Variants in ZNF507 observed in about 807,000 individuals in gnomAD.
The protein encoded by ZNF507 is zinc finger protein 507.
A neutral mutation model predicts 80.0 loss-of-function variants in ZNF507; 29 were observed. The ratio of observed to expected loss-of-function variants is 0.36; its 90% CI spans 0.27 to 0.49. The LOEUF is 0.49. ZNF507 is among the 20% of genes least tolerant of loss of function. The probability of loss-of-function intolerance (pLI) is 0.98; values close to 1 mark genes in which losing one functional copy is unlikely to be tolerated. For synonymous variants in ZNF507, 462 were observed against 422.5 expected (o/e 1.09, Z -1.15); for missense variants, 1,081 against 1,152.2 (o/e 0.94, Z 0.90).
intron 5 of ZNF507, among the ~76,000 whole-genome samples, chr19:32,380,000 C>T (rs1459424106): frequency 6.6e-6 from 1 of 152,124 alleles, no homozygotes; most frequent in Admixed American, 6.5e-5. Flanking sequence ...CCAAATTGCT[C>T]TTCAGAGTGC....
intron 1 of ZNF507, among the ~76,000 whole-genome samples, chr19:32,346,589 C>T (rs868302499): frequency 1.3e-5 from 2 of 152,236 alleles, no homozygotes; most frequent in Admixed American, 1.3e-4. Context: ...TCCTTTACCT[C>T]ACTAACTCGT....
intron 5 of ZNF507, chr19:32,380,688 C>T: frequency 7.1e-7 from 1 of 1,413,936 alleles, no homozygotes; most frequent in Non-Finnish European, 9.7e-7. Context: ...TGGAAAAGTG[C>T]ATTTGCAGTT....
At chr19:32,348,015 T>C (rs906041644) in intron 2 of ZNF507, among the ~76,000 whole-genome samples, 3 of 152,198 alleles carry the variant, frequency 2.0e-5, no homozygotes, top group Admixed American at 2.0e-4. Context: ...GGTAAATCTA[T>C]AAATAATGTG....
At chr19:32,351,900 T>C (rs1228526406) in intron 2 of ZNF507, among the ~76,000 whole-genome samples, 1 of 152,186 alleles carries the variant, frequency 6.6e-6, no homozygotes, top group Non-Finnish European at 1.5e-5. Context: ...AAGAGTATTC[T>C]AGACTTAGGC....
At chr19:32,351,419 C>CTCTG (rs1491462806) in intron 2 of ZNF507, among the ~76,000 whole-genome samples, 4 of 52,828 alleles carry the variant, frequency 7.6e-5, no homozygotes, top group African/African-American at 1.5e-4. Flanking sequence ...AGCTGGTCAG[C>CTCTG]TGTGTGTGTG....
At chr19:32,346,871 C>G (rs1370623773) in intron 1 of ZNF507, among the ~76,000 whole-genome samples, 1 of 152,178 alleles carries the variant, frequency 6.6e-6, no homozygotes, top group Non-Finnish European at 1.5e-5. Flanking sequence ...TGCAGAATCA[C>G]TCGTTAGATT....
At chr19:32,355,497 G>A (rs1332135311) in intron 3 of ZNF507, among the ~76,000 whole-genome samples, 2 of 152,100 alleles carry the variant, frequency 1.3e-5, no homozygotes. Context: ...TGTTTTATGG[G>A]CAGGGTAAAG....
rs564154405 is a variant in ZNF507, at chr19:32,386,081, A to G, written c.*2998A>G. 2 of 152,488 alleles carry G rather than the reference A, an allele frequency of 1.3e-5. No individual in the cohort carries two copies. Among genetic ancestry groups the G allele is most frequent in the Non-Finnish European group, 2.9e-5 (2 of 68,050 alleles). 9.4% of individuals were successfully genotyped at this position (152,488 alleles called of 1,614,324 possible). On this transcript the variant is annotated 3_prime_UTR_variant, in exon 7 of 7. Transcript: ENST00000355898. ...ATTTTCTCCCTTTCTCTAATCATCC[A>G]GAATATGGCGGGTGTCCCAGTGTTC...
At chr19:32,347,883 A>G (rs1473034744) in intron 2 of ZNF507, among the ~76,000 whole-genome samples, 1 of 151,952 alleles carries the variant, frequency 6.6e-6, no homozygotes, top group Non-Finnish European at 1.5e-5. Context: ...CAACTAAGAA[A>G]CTCTAGACTA....
In ZNF507 at chr19:32,382,718, G is replaced by C; in HGVS notation, c.2497G>C (p.Val833Leu). The C allele has an allele frequency of 6.2e-7, 1 of 1,611,264 alleles. No homozygotes were observed. The highest frequency in any genetic ancestry group is 1.1e-5 in the South Asian group (1 of 90,920). Residue 833 changes from valine (V) to leucine (L), a missense_variant and splice_region_variant, in exon 7 of 7, where the codon GTT (valine) becomes CTT (leucine). Val to Leu is a conservative substitution (Grantham distance 32). Transcript: ENST00000355898. ...TGCTGTGTTTGTTTTGTTTTTAAGA[G>C]TTCTGGGGAAATCCCCTGGAAAGAC... ...INDAISQSGR[V>L]LGKSPGKTQL...
In ZNF507 at chr19:32,381,608, AAAC is replaced by A. The variant is rs372959149; in HGVS notation, c.2361-835_2361-833del. Among the ~76,000 whole-genome samples, 22 of 152,016 alleles carry A rather than the reference AAAC, an allele frequency of 1.4e-4. No individual in the cohort carries two copies. In the East Asian group the frequency reaches 2.9e-3, roughly 20 times the overall value. On this transcript the variant is annotated intron_variant, in intron 5 of 6. Transcript: ENST00000355898. ...GGGAGACAGAGCAAGACTCTATCTC[AAAC>A]AACAACAACAACAACAACAACAAAA...
intron 4 of ZNF507, 57 bp downstream of exon 4, chr19:32,356,790 C>CATGA (rs1457659392): frequency 7.5e-7 from 1 of 1,336,778 alleles, no homozygotes; most frequent in East Asian, 2.3e-5. Context: ...ATAAAAGTGC[C>CATGA]CTTAGTTGTC....
chr19:32,384,980 ATT>A lies in ZNF507; in HGVS notation c.*1898_*1899del, dbSNP rs1967670116. ...GAACATTTAAAATGATTTCATTATT[ATT>A]ACCCATACTGTTGCCACTCATATTG... On this transcript the variant is annotated 3_prime_UTR_variant, in exon 7 of 7. Transcript: ENST00000355898. The A allele has an allele frequency of 6.6e-6, 1 of 152,136 alleles. No individual in the cohort carries two copies. The highest frequency in any genetic ancestry group is 1.5e-5 in the Non-Finnish European group (1 of 68,020). 9.4% of individuals were successfully genotyped at this position (152,136 alleles called of 1,614,324 possible). A position where few individuals can be genotyped will look rare whatever the true frequency, so the allele number is the denominator to read the frequency against.
In ZNF507 at chr19:32,359,001, T is replaced by A. The variant is rs543491551; in HGVS notation, c.2246-1503T>A. ...AACAGTTGCTTGAAGTAGCACAGGC[T>A]CTCATTCTGTGCTATATTAAGTTTT... On this transcript the variant is annotated intron_variant, in intron 4 of 6. Coordinates refer to ENST00000355898, the MANE Select transcript of ZNF507 (RefSeq NM_001136156.2). 3.3e-5 allele frequency: 5 copies of A among 152,360 alleles called. 1 individual carries two copies. The highest frequency in any genetic ancestry group is 1.2e-4 in the African/African-American group (5 of 41,592). The allele number at this position is 152,360 out of a possible 1,614,324, so 9.4% of individuals were successfully genotyped here.
At chr19:32,370,038 G>A (rs1254454209) in intron 5 of ZNF507, among the ~76,000 whole-genome samples, 1 of 152,184 alleles carries the variant, frequency 6.6e-6, no homozygotes, top group East Asian at 1.9e-4. Flanking sequence ...GGCCATCCAT[G>A]TTGTGGCAAA....
chr19:32,369,386 T>C (rs1967439748), intron 5 of ZNF507, among the ~76,000 whole-genome samples: 1 of 152,210 alleles, frequency 6.6e-6, no homozygotes, highest in Non-Finnish European at 1.5e-5. Context: ...GGCTCTGTCA[T>C]CAGGAGCATC....
chr19:32,381,215 G>C (rs1967618547), intron 5 of ZNF507, among the ~76,000 whole-genome samples: 2 of 152,186 alleles, frequency 1.3e-5, no homozygotes, highest in African/African-American at 4.8e-5. Context: ...TCAGGGGCAG[G>C]AAGGAAGGAT....
intron 4 of ZNF507, chr19:32,357,139 C>A (rs1242549292): frequency 6.4e-6 from 1 of 157,166 alleles, no homozygotes; most frequent in Non-Finnish European, 1.4e-5. Flanking sequence ...CTGGGGCTCC[C>A]CGCTGTGATC....
chr19:32,346,191 C>T (rs909445168), intron 1 of ZNF507, among the ~76,000 whole-genome samples: 1 of 152,166 alleles, frequency 6.6e-6, no homozygotes, highest in South Asian at 2.1e-4. Context: ...CACCTCAGTC[C>T]TTTAGCCAGT....
Sources: allele counts gnomAD v4.1 joint callset (sites outside exome capture counted in the v4.1 genomes callset), GRCh38; gene constraint gnomAD v4.1.1; transcripts MANE v1.5; gene names NCBI Gene and HGNC (gene_info 2026-07-23, HGNC 2026-07-21).